GRIK1: variants seen among roughly 807,000 people sequenced by gnomAD.
GRIK1 encodes glutamate receptor ionotropic, kainate 1.
A neutral mutation model predicts 105.7 loss-of-function variants in GRIK1; 69 were observed. The ratio of observed to expected loss-of-function variants is 0.65; its 90% confidence interval spans 0.54 to 0.80. The LOEUF is 0.80. Among genes scored for constraint, GRIK1 ranks in the 30% least tolerant of loss-of-function variants. GRIK1 has a pLI of 0.00. For missense variants in GRIK1, 1,109 were observed against 1,167.3 expected, an observed-to-expected ratio of 0.95 and a Z score of 0.73; for synonymous variants, 438 against 431.3, an observed-to-expected ratio of 1.02 and a Z score of -0.19.
At chr21:29,832,611 T>C (rs2067674683) in intron 1 of GRIK1, among the ~76,000 whole-genome samples, 1 of 152,112 alleles carries the variant, frequency 6.6e-6, no homozygotes, top group Non-Finnish European at 1.5e-5. Context: ...CTGGGGTCCT[T>C]TTAGCCATGG....
At chr21:29,850,893 A>G (rs935086850) in intron 1 of GRIK1, among the ~76,000 whole-genome samples, 3 of 152,200 alleles carry the variant, frequency 2.0e-5, no homozygotes, top group African/African-American at 4.8e-5. Context: ...ATATTTTAGA[A>G]GAACAGACTT....
chr21:29,875,664 C>T (rs467944), intron 1 of GRIK1, among the ~76,000 whole-genome samples: 83,603 of 151,934 alleles, frequency 0.55, 27,709 homozygotes, highest in Non-Finnish European at 0.74. Context: ...GACCCAAATA[C>T]CATACTGAGC....
chr21:29,837,484 C>A (rs184277818), intron 1 of GRIK1, among the ~76,000 whole-genome samples: 2 of 151,986 alleles, frequency 1.3e-5, no homozygotes, highest in African/African-American at 4.8e-5. Context: ...TCACAGGAGG[C>A]AGGACTATGA....
At chr21:29,829,062 A>T (rs73360380) in intron 1 of GRIK1, among the ~76,000 whole-genome samples, 2,842 of 152,216 alleles carry the variant, frequency 0.019, 86 homozygotes, top group African/African-American at 0.066. Context: ...GGCTGATTTG[A>T]ACGCCTTTCC....
chr21:29,828,445 A>T (rs1194606837), intron 1 of GRIK1, among the ~76,000 whole-genome samples: 1 of 116,510 alleles, frequency 8.6e-6, no homozygotes, highest in Non-Finnish European at 1.8e-5. Context: ...ATTATTTGAC[A>T]CTATAAAATG....
chr21:29,656,047 AT>A (rs529096273), intron 4 of GRIK1, among the ~76,000 whole-genome samples: 2 of 151,450 alleles, frequency 1.3e-5, no homozygotes, highest in African/African-American at 4.8e-5. Flanking sequence ...TTTTATTTTT[AT>A]TTTTTTTGTC....
chr21:29,642,662 T>C (rs144336951), intron 7 of GRIK1, among the ~76,000 whole-genome samples, 164 bp downstream of exon 7: 3 of 152,300 alleles, frequency 2.0e-5, no homozygotes, highest in African/African-American at 7.2e-5. Flanking sequence ...TGCTAGTCCT[T>C]CTGGACAAAC....
In GRIK1 at chr21:29,731,163, T is replaced by C. The variant is rs186052846; in HGVS notation, c.119-37100A>G. 7.9e-4 allele frequency among the ~76,000 whole-genome samples: 120 copies of C among 152,348 alleles called. 1 individual carries two copies. The highest frequency in any genetic ancestry group is 2.6e-3 in the African/African-American group (107 of 41,588). ...AATTGCCCTTGTTTGATGAGAGGAA[T>C]GAGCAGGAGCACTGTCATAGTGGAG... On this transcript the variant is annotated intron_variant, in intron 1 of 17. Coordinates refer to ENST00000327783, the MANE Select transcript of GRIK1 (RefSeq NM_001330994.2).
At chr21:29,593,069 G>C (rs1163619830) in intron 9 of GRIK1, among the ~76,000 whole-genome samples, 1 of 152,152 alleles carries the variant, frequency 6.6e-6, no homozygotes, top group East Asian at 1.9e-4. Flanking sequence ...CCCTTTTAGA[G>C]ACATCAATGC....
chr21:29,647,685 T>C (rs1245497708), intron 6 of GRIK1, among the ~76,000 whole-genome samples: 2 of 152,154 alleles, frequency 1.3e-5, no homozygotes, highest in African/African-American at 4.8e-5. Flanking sequence ...TTCTGTATTA[T>C]CCCAGTCTAT....
intron 12 of GRIK1, among the ~76,000 whole-genome samples, chr21:29,586,083 A>G (rs1465455807): frequency 1.3e-5 from 2 of 152,194 alleles, no homozygotes; most frequent in African/African-American, 4.8e-5. Context: ...CTGGTTGAGA[A>G]CCACTGATTT....
At chr21:29,692,351 G>A (rs2063600426) in intron 2 of GRIK1, among the ~76,000 whole-genome samples, 1 of 152,094 alleles carries the variant, frequency 6.6e-6, no homozygotes, top group Non-Finnish European at 1.5e-5. Context: ...GTGTAAGAGA[G>A]AGCGATGAGA....
At chr21:29,650,949 T>C (rs1420694044) in intron 6 of GRIK1, among the ~76,000 whole-genome samples, 169 bp downstream of exon 6, 1 of 152,232 alleles carries the variant, frequency 6.6e-6, no homozygotes, top group East Asian at 1.9e-4. Context: ...TTTTTGCTAG[T>C]AGCCAGTCAC....
chr21:29,597,409 A>G lies in GRIK1; in HGVS notation c.1207-839T>C, dbSNP rs118054847. On this transcript the variant is annotated intron_variant, in intron 8 of 17. Coordinates refer to ENST00000327783, the MANE Select transcript of GRIK1 (RefSeq NM_001330994.2). ...ATCTATTTCATCATTCACCTAGCCA[A>G]AAAGATGTTTCCTTAACAGCTTTTC... Among the ~76,000 whole-genome samples the G allele has an allele frequency of 5.0e-4, 76 of 152,360 alleles. 1 individual carries two copies. In the East Asian group the frequency reaches 0.013, roughly 27 times the overall value.
intron 8 of GRIK1, among the ~76,000 whole-genome samples, chr21:29,598,614 A>G (rs2061459529): frequency 6.6e-6 from 1 of 152,216 alleles, no homozygotes; most frequent in African/African-American, 2.4e-5. Context: ...CACAATAGAA[A>G]CACTAGTTAG....
chr21:29,578,566 T>C (rs1440410755), intron 13 of GRIK1, among the ~76,000 whole-genome samples: 2 of 152,214 alleles, frequency 1.3e-5, no homozygotes, highest in Non-Finnish European at 2.9e-5. Context: ...TACGTATCTT[T>C]GTGTTTTATT....
At chr21:29,754,209 A>G (rs2065277545) in intron 1 of GRIK1, among the ~76,000 whole-genome samples, 1 of 152,162 alleles carries the variant, frequency 6.6e-6, no homozygotes, top group South Asian at 2.1e-4. Context: ...GTGAACTTGG[A>G]TTTTTCCATA....
rs949531865 is a variant in GRIK1 at position 29,920,582 on chromosome 21, T to A, written c.118+18801A>T. 2.6e-5 allele frequency among the ~76,000 whole-genome samples: 4 copies of A among 152,126 alleles called. No homozygotes were observed. In the East Asian group the frequency reaches 7.7e-4, roughly 29 times the overall value. On this transcript the variant is annotated intron_variant, in intron 1 of 17. Coordinates refer to ENST00000327783, the MANE Select transcript of GRIK1 (RefSeq NM_001330994.2). ...TAATAATATTTGTCGTAGTTTAGAA[T>A]TAAATATTTATTTGTGTGATCATTT...
chr21:29,539,825 A>G (rs551968663), intron 16 of GRIK1, among the ~76,000 whole-genome samples: 1 of 152,302 alleles, frequency 6.6e-6, no homozygotes, highest in African/African-American at 2.4e-5. Context: ...ACTATTGGAG[A>G]CATTAAGTAA....
Sources: gnomAD v4.1 joint callset for allele counts (sites outside exome capture counted in the v4.1 genomes callset) on GRCh38, gnomAD v4.1.1 for gene constraint, MANE v1.5 for transcripts, NCBI Gene and HGNC (gene_info 2026-07-23, HGNC 2026-07-21) for gene names.